DPM3: variants seen among roughly 807,000 people sequenced by gnomAD.
The protein encoded by DPM3 is dolichol-phosphate mannosyltransferase subunit 3.
Under a neutral mutation model 8.9 loss-of-function variants are expected in DPM3, and 7 were observed. That is an observed-to-expected ratio of 0.79 (90% CI 0.45 to 1.48). The LOEUF is 1.48. Among genes scored for constraint, DPM3 ranks in the 40% most tolerant of loss-of-function variants. DPM3 has a pLI of 0.01. For synonymous variants in DPM3, 41 were observed against 56.3 expected (o/e 0.73, Z 1.22); for missense variants, 108 against 116.2 (o/e 0.93, Z 0.33).
Position 155,140,525 on chromosome 1 carries a change from G to A in DPM3, c.-40C>T. On this transcript the variant is annotated 5_prime_UTR_variant, in exon 1 of 2. Transcript: ENST00000368400. ...ACGTCTCCCCTTCCCCGCGCGGCCC[G>A]GATGTTGGCGTCCGGAAGTCCTCCC... 1 of 618,484 alleles carries A rather than the reference G, an allele frequency of 1.6e-6. No homozygotes were observed. Among genetic ancestry groups the A allele is most frequent in the Non-Finnish European group, 2.9e-6 (1 of 339,316 alleles). The allele number at this position is 618,484 out of a possible 1,614,324, so 38.3% of individuals were successfully genotyped here. A position where few individuals can be genotyped will look rare whatever the true frequency, so the allele number is the denominator to read the frequency against.
intron 1 of DPM3, 42 bp from the exon 2 acceptor site, chr1:155,140,287 G>C (rs1664707640): frequency 1.2e-6 from 2 of 1,606,088 alleles, no homozygotes; most frequent in African/African-American, 1.3e-5. Context: ...GAGCAGAAAG[G>C]AAAAGCGGAC....
chr1:155,140,352 G>C lies in DPM3; in HGVS notation c.-5-107C>G, dbSNP rs1230581321. 4.1e-6 allele frequency: 5 copies of C among 1,231,248 alleles called. No individual in the cohort carries two copies. In the African/African-American group the frequency reaches 7.4e-5, roughly 18 times the overall value. The allele number at this position is 1,231,248 out of a possible 1,614,324, so 76.3% of individuals were successfully genotyped here. On this transcript the variant is annotated intron_variant, in intron 1 of 1. Transcript: ENST00000368400. ...GCATTAAAACCAGCCCTGGCCAGAG[G>C]GGAATCGCCGATCCCAGAGGTCCGA...
intron 1 of DPM3, 94 bp from the exon 2 acceptor site, chr1:155,140,339 G>A: frequency 1.5e-6 from 2 of 1,378,188 alleles, no homozygotes; most frequent in Non-Finnish European, 1.0e-6. Context: ...ATTAAAACCA[G>A]CCCTGGCCAG....
rs1557794919 is a variant in DPM3, at chr1:155,140,110, TAG to T, written c.129_130del (p.Tyr44LeufsTer22). 3 of 1,614,052 alleles carry T rather than the reference TAG, an allele frequency of 1.9e-6. No homozygotes were observed. The highest frequency in any genetic ancestry group is 2.5e-6 in the Non-Finnish European group (3 of 1,180,030). On this transcript the variant is annotated frameshift_variant, in exon 2 of 2. Transcript: ENST00000368400. LOFTEE classifies it high-confidence loss of function. ...ATAGCAGCCGGCGGACACCAGCAAG[TAG>T]GCGGGCAGTGGCCACAGGACTTCCT...
At chr1:155,140,443 C>T in intron 1 of DPM3, 48 bp downstream of exon 1, 1 of 715,386 alleles carries the variant, frequency 1.4e-6, no homozygotes, top group Non-Finnish European at 2.6e-6. Context: ...ATTTGAGACC[C>T]ACTCCCCATC....
intron 1 of DPM3, 86 bp downstream of exon 1, chr1:155,140,405 G>GC: frequency 2.6e-6 from 2 of 767,246 alleles, no homozygotes; most frequent in East Asian, 2.7e-5. Context: ...AGGTGGAAGG[G>GC]CCCCTTCCAC....
chr1:155,140,268 T>C (rs772583366), intron 1 of DPM3, 23 bp from the exon 2 acceptor site: 7 of 1,612,160 alleles, frequency 4.3e-6, no homozygotes, highest in Non-Finnish European at 5.1e-6. Flanking sequence ...GAAGCAATGC[T>C]CCCCTGAGGA....
rs768337008 is a variant in DPM3, at chr1:155,140,211, TC to T, written c.29del (p.Gly10AspfsTer2). 6.2e-7 allele frequency: 1 copy of T among 1,613,998 alleles called. No homozygotes were observed. Among genetic ancestry groups the T allele is most frequent in the Non-Finnish European group, 8.5e-7 (1 of 1,180,006 alleles). ...CCCAGGTGGAGCCCAGGATCGCTAG[TC>T]CCCAAAGCCACTGCGCTAATTTCGT... MTKLAQWLW[G>X]LAILGSTWVA... On this transcript the variant is annotated frameshift_variant, in exon 2 of 2. Coordinates refer to ENST00000368400, the MANE Select transcript of DPM3 (RefSeq NM_153741.2). LOFTEE classifies it high-confidence loss of function.
At chr1:155,140,327 G>T in intron 1 of DPM3, 82 bp from the exon 2 acceptor site, 1 of 1,475,206 alleles carries the variant, frequency 6.8e-7, no homozygotes, top group Non-Finnish European at 9.4e-7. Context: ...CCCACGGAGA[G>T]CATTAAAACC....
At chr1:155,140,315 C>A in intron 1 of DPM3, 70 bp from the exon 2 acceptor site, 1 of 1,540,856 alleles carries the variant, frequency 6.5e-7, no homozygotes. Context: ...AACCGAAGCC[C>A]GCCCACGGAG....
chr1:155,140,353 G>A (rs891851972), intron 1 of DPM3, 108 bp from the exon 2 acceptor site: 1 of 1,231,068 alleles, frequency 8.1e-7, no homozygotes, highest in Non-Finnish European at 1.2e-6. Context: ...TGGCCAGAGG[G>A]GAATCGCCGA....
At chr1:155,140,270 C>T in intron 1 of DPM3, 25 bp from the exon 2 acceptor site, 1 of 1,612,068 alleles carries the variant, frequency 6.2e-7, no homozygotes, top group South Asian at 1.1e-5. Flanking sequence ...AGCAATGCTC[C>T]CCTGAGGAGC....
Position 155,140,514 on chromosome 1 carries a change from C to T in DPM3, c.-29G>A, listed in dbSNP as rs750010864. 9 of 629,442 alleles carry T rather than the reference C, an allele frequency of 1.4e-5. No individual in the cohort carries two copies. The highest frequency in any genetic ancestry group is 2.6e-5 in the Non-Finnish European group (9 of 343,388). The allele number at this position is 629,442 out of a possible 1,614,324, so 39.0% of individuals were successfully genotyped here. A position where few individuals can be genotyped will look rare whatever the true frequency, so the allele number is the denominator to read the frequency against. On this transcript the variant is annotated 5_prime_UTR_variant, in exon 1 of 2. Coordinates refer to ENST00000368400, the MANE Select transcript of DPM3 (RefSeq NM_153741.2). The stretch of plus-strand genomic sequence containing the variant: ...ACCTCTACCCCACGTCTCCCCTTCC[C>T]CGCGCGGCCCGGATGTTGGCGTCCG...
chr1:155,140,387 C>A, intron 1 of DPM3, 104 bp downstream of exon 1: 1 of 868,840 alleles, frequency 1.2e-6, no homozygotes, highest in South Asian at 1.4e-5. Context: ...AACTTGAGTG[C>A]CCACAAAAGG....
chr1:155,139,983 G>A lies in DPM3; in HGVS notation c.258C>T (p.Ala86=), dbSNP rs1302786677. The A allele has an allele frequency of 6.2e-7, 1 of 1,612,284 alleles. No individual in the cohort carries two copies. Among genetic ancestry groups the A allele is most frequent in the African/African-American group, 1.3e-5 (1 of 74,924 alleles). ...SQIQEARADL[A]RRGLRF is the part of the protein sequence containing the mutation. ...GCTGTCAGAAGCGCAGCCCCCTGCG[G>A]GCTAAGTCGGCTCGGGCCTCCTGTA... is the stretch of plus-strand genomic sequence containing the variant. Residue 86 remains alanine (A), a synonymous_variant, in exon 2 of 2, where the codon GCC becomes GCT. Transcript: ENST00000368400.
chr1:155,139,930 A>G lies in DPM3; in HGVS notation c.*32T>C, dbSNP rs528199014. The G allele has an allele frequency of 2.0e-5, 31 of 1,571,154 alleles. No homozygotes were observed. The East Asian group carries it at 6.3e-4, about 32-fold the overall frequency. On this transcript the variant is annotated 3_prime_UTR_variant, in exon 2 of 2. Coordinates refer to ENST00000368400, the MANE Select transcript of DPM3 (RefSeq NM_153741.2). The stretch of plus-strand genomic sequence containing the variant: ...GGCTCTTTAATGGGAAATGGGAGGA[A>G]GGGCTGTCCGCACAGGAATGGGGTT...
Position 155,140,207 on chromosome 1 carries a change from C to T in DPM3, c.34G>A (p.Ala12Thr), listed in dbSNP as rs746935774. Reference protein sequence around the residue: ...TKLAQWLWGLAILGSTWVALT... With the variant: ...TKLAQWLWGLTILGSTWVALT... ...GCCACCCAGGTGGAGCCCAGGATCGCTAGTCCCCAAAGCCACTGCGCTAAT... is the reference window on the plus strand; with the variant it reads ...GCCACCCAGGTGGAGCCCAGGATCGTTAGTCCCCAAAGCCACTGCGCTAAT... The change falls in exon 2 of 2, where the codon GCG (alanine) becomes ACG (threonine). Residue 12 changes from alanine to threonine, a missense_variant. Transcript: ENST00000368400. 6.2e-7 allele frequency: 1 copy of T among 1,614,174 alleles called. No individual in the cohort carries two copies. Among genetic ancestry groups the T allele is most frequent in the South Asian group, 1.1e-5 (1 of 91,080 alleles).
chr1:155,140,269 C>T (rs776057897), intron 1 of DPM3, 24 bp from the exon 2 acceptor site: 2 of 1,612,294 alleles, frequency 1.2e-6, no homozygotes, highest in Admixed American at 1.7e-5. Context: ...AAGCAATGCT[C>T]CCCTGAGGAG....
At position 155,139,939 on chromosome 1, in the gene DPM3, C is replaced by A; in HGVS notation, c.*23G>T. On this transcript the variant is annotated 3_prime_UTR_variant, in exon 2 of 2. Coordinates refer to ENST00000368400, the MANE Select transcript of DPM3 (RefSeq NM_153741.2). ...ATGGGAAATGGGAGGAAGGGCTGTCCGCACAGGAATGGGGTTAGGCTGTCA... is the reference window on the plus strand; with the variant it reads ...ATGGGAAATGGGAGGAAGGGCTGTCAGCACAGGAATGGGGTTAGGCTGTCA... The A allele has an allele frequency of 6.3e-7, 1 of 1,580,414 alleles. No homozygotes were observed. Among genetic ancestry groups the A allele is most frequent in the South Asian group, 1.1e-5 (1 of 88,036 alleles).
Sources: allele counts gnomAD v4.1 joint callset, GRCh38; gene constraint gnomAD v4.1.1; transcripts MANE v1.5; gene names NCBI Gene and HGNC (gene_info 2026-07-23, HGNC 2026-07-21).